The following WIPF3 variants were observed in gnomAD, a reference collection of about 807,000 sequenced individuals.
WIPF3 encodes WAS/WASL-interacting protein family member 3.
WIPF3 carries 33 observed loss-of-function variants against 38.9 expected under a neutral mutation model. The observed-to-expected ratio is 0.85, with a 90% CI of 0.64 to 1.14. WIPF3 has a LOEUF of 1.14. Among genes scored for constraint, WIPF3 ranks in the 50% most tolerant of loss-of-function variants. The probability of loss-of-function intolerance (pLI) is 0.00; values close to 1 mark genes in which losing one functional copy is unlikely to be tolerated. For synonymous variants in WIPF3, 324 were observed against 269.3 expected, an observed-to-expected ratio of 1.20 and a Z score of -1.99; for missense variants, 711 against 652.5, an observed-to-expected ratio of 1.09 and a Z score of -0.98.
At chr7:29,813,393 C>CA (rs1409487600) in intron 1 of WIPF3, among the ~76,000 whole-genome samples, 2 of 152,192 alleles carry the variant, frequency 1.3e-5, no homozygotes, top group African/African-American at 4.8e-5. Context: ...GACAGCCTGG[C>CA]ATTGTGAGCT....
chr7:29,846,996 T>A lies in WIPF3; in HGVS notation c.90+12182T>A, dbSNP rs115155303. Among the ~76,000 whole-genome samples the A allele has an allele frequency of 5.8e-3, 890 of 152,292 alleles. 12 individuals carry two copies. The highest frequency in any genetic ancestry group is 0.02 in the African/African-American group (817 of 41,552). On this transcript the variant is annotated intron_variant, in intron 2 of 8. Coordinates refer to ENST00000242140, the MANE Select transcript of WIPF3 (RefSeq NM_001080529.3). ...GACTAATAATTGCCACTTCCTAGGG[T>A]ACATTGCTCCTAGAATGGAAACTTC...
intron 2 of WIPF3, among the ~76,000 whole-genome samples, chr7:29,848,239 C>G (rs1393658557): frequency 6.6e-6 from 1 of 152,130 alleles, no homozygotes; most frequent in Non-Finnish European, 1.5e-5. Flanking sequence ...CACGAAGATC[C>G]GGGGGCATCC....
intron 5 of WIPF3, among the ~76,000 whole-genome samples, chr7:29,886,347 CTTTTTTTTTTT>C (rs11337399): frequency 1.3e-4 from 6 of 46,560 alleles, no homozygotes; most frequent in South Asian, 1.6e-3. Flanking sequence ...AAAGACAAAG[CTTTTTTTTTTT>C]TTTTTTTTTT....
At chr7:29,895,617 G>T (rs1786126109) in intron 7 of WIPF3, among the ~76,000 whole-genome samples, 2 of 152,336 alleles carry the variant, frequency 1.3e-5, no homozygotes, top group South Asian at 4.1e-4. Context: ...TCACAGTTCT[G>T]CAGGCTGTAC....
rs1047126632 is a variant in WIPF3, at chr7:29,917,046, C to T, written c.*2530C>T. 2.0e-5 allele frequency: 3 copies of T among 152,142 alleles called. No homozygotes were observed. The highest frequency in any genetic ancestry group is 3.9e-4 in the East Asian group (2 of 5,188). 9.4% of individuals were successfully genotyped at this position (152,142 alleles called of 1,614,324 possible). On this transcript the variant is annotated 3_prime_UTR_variant, in exon 9 of 9. Coordinates refer to ENST00000242140, the MANE Select transcript of WIPF3 (RefSeq NM_001080529.3). ...GATTCATTTCTTTGTACTTAATAAA[C>T]TTTAGTAAGTGGAAATGCTTCCAGT...
chr7:29,811,733 AAAGT>A (rs1784382445), intron 1 of WIPF3, among the ~76,000 whole-genome samples: 2 of 152,310 alleles, frequency 1.3e-5, no homozygotes, highest in East Asian at 1.9e-4. Context: ...GTAGAAGGCA[AAAGT>A]AAGTGTTTCC....
chr7:29,882,893 T>A (rs897498809), intron 4 of WIPF3, among the ~76,000 whole-genome samples: 3 of 152,186 alleles, frequency 2.0e-5, no homozygotes, highest in Non-Finnish European at 2.9e-5. Context: ...ATCTGCCTCC[T>A]GAGTAGACAG....
At chr7:29,907,019 C>T (rs1329661823) in intron 8 of WIPF3, among the ~76,000 whole-genome samples, 1 of 152,118 alleles carries the variant, frequency 6.6e-6, no homozygotes, top group Non-Finnish European at 1.5e-5. Context: ...CAAGAATACC[C>T]AAGGGAGTCC....
intron 1 of WIPF3, among the ~76,000 whole-genome samples, chr7:29,830,915 A>C (rs116238870): frequency 2.0e-5 from 3 of 152,184 alleles, no homozygotes; most frequent in Non-Finnish European, 4.4e-5. Context: ...AAATTCACCT[A>C]CGTGTACTCA....
rs148641223 is a variant in WIPF3 at position 29,913,611 on chromosome 7, A to G, written c.1429-882A>G. Among the ~76,000 whole-genome samples the G allele has an allele frequency of 4.6e-5, 7 of 152,236 alleles. No individual in the cohort carries two copies. In the East Asian group the frequency reaches 1.2e-3, roughly 25 times the overall value. On this transcript the variant is annotated intron_variant, in intron 8 of 8. Coordinates refer to ENST00000242140, the MANE Select transcript of WIPF3 (RefSeq NM_001080529.3). ...ATTTTTCAGTTAGCTTGCATATGTT[A>G]TATCATCTAATCCTTTTAATAACCC...
intron 2 of WIPF3, among the ~76,000 whole-genome samples, chr7:29,847,292 A>G (rs1785015477): frequency 6.6e-6 from 1 of 152,220 alleles, no homozygotes; most frequent in Non-Finnish European, 1.5e-5. Context: ...GCCAAGATCA[A>G]AATTGAGAAC....
At chr7:29,902,268 C>CTTTT (rs1267369053) in intron 7 of WIPF3, among the ~76,000 whole-genome samples, 2,730 of 116,614 alleles carry the variant, frequency 0.023, 36 homozygotes, top group Middle Eastern at 0.041. Context: ...TCTTCTTCTT[C>CTTTT]TTCTTCTTTT....
intron 8 of WIPF3, among the ~76,000 whole-genome samples, chr7:29,907,531 A>G (rs1421335118): frequency 6.6e-6 from 1 of 152,204 alleles, no homozygotes; most frequent in Non-Finnish European, 1.5e-5. Context: ...CCTAATCCCT[A>G]ATGTGACAGT....
At chr7:29,847,216 T>C (rs1474570722) in intron 2 of WIPF3, among the ~76,000 whole-genome samples, 2 of 152,180 alleles carry the variant, frequency 1.3e-5, no homozygotes, top group African/African-American at 4.8e-5. Flanking sequence ...TAACCCGATC[T>C]TGGACCGACA....
At chr7:29,814,621 G>T (rs1281825680) in intron 1 of WIPF3, among the ~76,000 whole-genome samples, 1 of 152,170 alleles carries the variant, frequency 6.6e-6, no homozygotes, top group East Asian at 1.9e-4. Flanking sequence ...ATTTGATCTT[G>T]GGTGATTACC....
chr7:29,813,468 C>T (rs62459989), intron 1 of WIPF3, among the ~76,000 whole-genome samples: 30,089 of 152,172 alleles, frequency 0.2, 3,318 homozygotes, highest in African/African-American at 0.28. Flanking sequence ...TGCTCATACC[C>T]GCCCCTGCTT....
In WIPF3 at chr7:29,884,532, C is replaced by CGCCCCGCCT. The variant is rs1785827586; in HGVS notation, c.1044_1052dup (p.Ala350_Pro352dup). The CGCCCCGCCT allele has an allele frequency of 1.3e-6, 2 of 1,591,842 alleles. No individual in the cohort carries two copies. The highest frequency in any genetic ancestry group is 4.6e-5 in the East Asian group (2 of 43,502). ...AGAAGGCCGGTGCGCAGGCCTTGCCCGCCCCGCCTGCCCCTCCGGGCTCCC... is the reference window on the plus strand; with the variant it reads ...AGAAGGCCGGTGCGCAGGCCTTGCCCGCCCCGCCTGCCCCGCCTGCCCCTCCGGGCTCCC... On this transcript the variant is annotated inframe_insertion, in exon 5 of 9. Coordinates refer to ENST00000242140, the MANE Select transcript of WIPF3 (RefSeq NM_001080529.3).
At chr7:29,838,996 T>C (rs1350895398) in intron 2 of WIPF3, among the ~76,000 whole-genome samples, 1 of 152,030 alleles carries the variant, frequency 6.6e-6, no homozygotes, top group Non-Finnish European at 1.5e-5. Flanking sequence ...AAAAATAAAC[T>C]ACAGTGTTTA....
intron 1 of WIPF3, among the ~76,000 whole-genome samples, chr7:29,827,553 A>G (rs1263501284): frequency 6.6e-6 from 1 of 152,108 alleles, no homozygotes; most frequent in African/African-American, 2.4e-5. Flanking sequence ...TAGATGAATG[A>G]TGGACGCTTA....
Sources: gnomAD v4.1 joint callset for allele counts (sites outside exome capture counted in the v4.1 genomes callset) on GRCh38, gnomAD v4.1.1 for gene constraint, MANE v1.5 for transcripts, NCBI Gene and HGNC (gene_info 2026-07-23, HGNC 2026-07-21) for gene names.